The following CDC25C variants were observed in gnomAD, a reference collection of about 807,000 sequenced individuals.
CDC25C encodes cell division cycle 25C.
A neutral mutation model predicts 52.5 loss-of-function variants in CDC25C; 48 were observed. The observed-to-expected ratio is 0.91, with a 90% CI of 0.72 to 1.16. CDC25C has a LOEUF of 1.16. Ranked by LOEUF, CDC25C falls within the 50% of genes most tolerant of loss-of-function variation. The pLI is 0.00. For missense variants in CDC25C, 510 were observed against 566.1 expected (o/e 0.90, Z 1.01); for synonymous variants, 187 against 206.5 (o/e 0.91, Z 0.81).
chr5:138,331,263 A>G, intron 1 of CDC25C, 45 bp from the exon 2 acceptor site: 1 of 1,318,234 alleles, frequency 7.6e-7, no homozygotes, highest in Non-Finnish European at 1.1e-6. Flanking sequence ...CAGTTCCCTC[A>G]GCTTTCCTAA....
Position 138,292,021 on chromosome 5 carries a change from T to C in CDC25C, c.711A>G (p.Ile237Met), listed in dbSNP as rs1259424935. ...AATACTTTTTTTTAACTTTATCTGG[T>C]ATTGTGTTGTCCTTGAATTTTTCCA... ...KQVEKFKDNT[I>M]PDKVKKKYFS... Residue 237 changes from isoleucine (I) to methionine (M), a missense_variant, in exon 8 of 14, where the codon ATA becomes ATG. Transcript: ENST00000323760. 1 of 1,613,016 alleles carries C rather than the reference T, an allele frequency of 6.2e-7. No individual in the cohort carries two copies. The highest frequency in any genetic ancestry group is 1.1e-5 in the South Asian group (1 of 90,966).
chr5:138,293,932 C>T (rs996521725), intron 7 of CDC25C, among the ~76,000 whole-genome samples: 1 of 152,088 alleles, frequency 6.6e-6, no homozygotes, highest in African/African-American at 2.4e-5. Context: ...CAGGCATGAG[C>T]CACCACGCCC....
In CDC25C at chr5:138,292,055, A is replaced by G; in HGVS notation, c.677T>C (p.Leu226Pro). The stretch of plus-strand genomic sequence containing the variant: ...GTCCTTGAATTTTTCCACCTGCTTC[A>G]GTCTTGGCCTGTTCAAGTTCTCTGG... The part of the protein sequence containing the change: ...SMPENLNRPR[L>P]KQVEKFKDNT... Residue 226 changes from leucine (L) to proline (P), a missense_variant, in exon 8 of 14, where the codon CTG (leucine) becomes CCG (proline). By Grantham distance (98) the Leu-to-Pro change is moderately conservative. Coordinates refer to ENST00000323760, the MANE Select transcript of CDC25C (RefSeq NM_001790.5). 6.2e-7 allele frequency: 1 copy of G among 1,613,466 alleles called. No individual in the cohort carries two copies. Among genetic ancestry groups the G allele is most frequent in the Non-Finnish European group, 8.5e-7 (1 of 1,179,682 alleles).
rs752582927 is a variant in CDC25C, at chr5:138,289,561, T to C, written c.867A>G (p.Val289=). The change falls in exon 10 of 14, where the codon GTA becomes GTG. Residue 289 remains valine (V), a splice_region_variant and synonymous_variant. Transcript: ENST00000323760. The part of the protein sequence containing the change: ...QGHLIGDFSK[V]CALPTVSGKH... ...TCCCTGACACGGTTGGCAGCGCACATACCTAGAAATACACAAGAGCTGAAA... is the reference window on the plus strand; with the variant it reads ...TCCCTGACACGGTTGGCAGCGCACACACCTAGAAATACACAAGAGCTGAAA... 1.2e-6 allele frequency: 2 copies of C among 1,612,186 alleles called. No individual in the cohort carries two copies. The highest frequency in any genetic ancestry group is 1.7e-6 in the Non-Finnish European group (2 of 1,178,210).
At chr5:138,321,251 T>A (rs1396181040) in intron 6 of CDC25C, among the ~76,000 whole-genome samples, 1 of 152,104 alleles carries the variant, frequency 6.6e-6, no homozygotes, top group Non-Finnish European at 1.5e-5. Context: ...TTTTGAATAA[T>A]GAAAAAATTC....
At chr5:138,310,415 G>A (rs1034927749) in intron 7 of CDC25C, among the ~76,000 whole-genome samples, 2 of 151,970 alleles carry the variant, frequency 1.3e-5, no homozygotes, top group Non-Finnish European at 2.9e-5. Context: ...TAAGACTCTC[G>A]CCTCGCACTC....
intron 7 of CDC25C, among the ~76,000 whole-genome samples, chr5:138,314,288 C>T (rs1031880299): frequency 3.3e-5 from 5 of 150,500 alleles, no homozygotes; most frequent in Non-Finnish European, 5.9e-5. Flanking sequence ...ATCGTCCTGT[C>T]ATTCATAGCA....
At chr5:138,326,203 T>G in intron 4 of CDC25C, 149 bp from the exon 5 acceptor site, 1 of 814,532 alleles carries the variant, frequency 1.2e-6, no homozygotes. Flanking sequence ...ATACATAGGG[T>G]ATTCTCTGTG....
intron 10 of CDC25C, among the ~76,000 whole-genome samples, chr5:138,287,924 A>T (rs1284980552): frequency 1.3e-5 from 2 of 152,206 alleles, no homozygotes; most frequent in Non-Finnish European, 2.9e-5. Flanking sequence ...AATATTCAAT[A>T]ATAGGGGTTT....
upstream of CDC25C, among the ~76,000 whole-genome samples, chr5:138,334,910 G>T (rs538222943): frequency 1.1e-4 from 17 of 152,352 alleles, no homozygotes; most frequent in African/African-American, 4.1e-4. Flanking sequence ...GAATATTAGG[G>T]AGGTGGGAAG....
chr5:138,313,995 C>CTTTCTTTCTTTCTTTCTT (rs1554117939), intron 7 of CDC25C, among the ~76,000 whole-genome samples: 8 of 112,668 alleles, frequency 7.1e-5, no homozygotes, highest in South Asian at 3.0e-4. Context: ...TTCTTTCTTT[C>CTTTCTTTCTTTCTTTCTT]TTTTTTTTTT....
intron 4 of CDC25C, 62 bp from the exon 5 acceptor site, chr5:138,326,116 T>C (rs1198406979): frequency 1.3e-6 from 2 of 1,550,928 alleles, no homozygotes; most frequent in Non-Finnish European, 1.8e-6. Flanking sequence ...TATTCTTCAG[T>C]GGATTGGTGC....
upstream of CDC25C, among the ~76,000 whole-genome samples, chr5:138,335,768 G>GT (rs11409882): frequency 0.33 from 48,694 of 145,390 alleles, 8,325 homozygotes; most frequent in East Asian, 0.46. Context: ...GACTTGCAGG[G>GT]TTTTTTTTTT....
At chr5:138,316,360 G>A (rs181110510) in intron 7 of CDC25C, among the ~76,000 whole-genome samples, 27 of 152,312 alleles carry the variant, frequency 1.8e-4, no homozygotes, top group African/African-American at 5.8e-4. Flanking sequence ...TCTAGAATTT[G>A]GGCACGGAGA....
At chr5:138,301,117 A>G (rs1757596260) in intron 7 of CDC25C, among the ~76,000 whole-genome samples, 1 of 152,196 alleles carries the variant, frequency 6.6e-6, no homozygotes, top group Admixed American at 6.5e-5. Flanking sequence ...AGAGTGCAAA[A>G]TCAATGGAAT....
intron 9 of CDC25C, 59 bp downstream of exon 9, chr5:138,290,580 G>C (rs1756623204): frequency 1.0e-6 from 1 of 953,404 alleles, no homozygotes; most frequent in African/African-American, 1.6e-5. Flanking sequence ...TCGGCAAACA[G>C]AGAAGATTCA....
At chr5:138,321,762 A>C (rs1211284134) in intron 6 of CDC25C, among the ~76,000 whole-genome samples, 3 of 139,930 alleles carry the variant, frequency 2.1e-5, no homozygotes, top group Non-Finnish European at 3.2e-5. Context: ...AAAAAAAAAA[A>C]AAAAAAAAAA....
At chr5:138,324,358 A>G (rs1234018432) in intron 6 of CDC25C, among the ~76,000 whole-genome samples, 1 of 152,186 alleles carries the variant, frequency 6.6e-6, no homozygotes, top group Non-Finnish European at 1.5e-5. Context: ...TTAGAAATGA[A>G]TCGGAGAAAG....
chr5:138,295,721 G>A (rs1261242866), intron 7 of CDC25C, among the ~76,000 whole-genome samples: 1 of 152,078 alleles, frequency 6.6e-6, no homozygotes, highest in African/African-American at 2.4e-5. Flanking sequence ...AGGCCATGGA[G>A]AGATAATGAA....
Sources: allele counts gnomAD v4.1 joint callset (sites outside exome capture counted in the v4.1 genomes callset), GRCh38; gene constraint gnomAD v4.1.1; transcripts MANE v1.5; gene names NCBI Gene and HGNC (gene_info 2026-07-23, HGNC 2026-07-21).